TRAPPC11: variants seen among roughly 807,000 people sequenced by gnomAD.
TRAPPC11 encodes the protein foie gras homolog.
TRAPPC11 carries 104 observed loss-of-function variants against 151.2 expected under a neutral mutation model. That is an observed-to-expected ratio of 0.69 (90% CI 0.59 to 0.81). The LOEUF is 0.81. TRAPPC11 is among the 30% of genes least tolerant of loss of function. The pLI is 0.00. For synonymous variants in TRAPPC11, 456 were observed against 472.3 expected (o/e 0.97, Z 0.45); for missense variants, 1,230 against 1,349.6 (o/e 0.91, Z 1.39).
Position 183,667,149 on chromosome 4 carries a change from A to G in TRAPPC11, c.445+19A>G, listed in dbSNP as rs2111304109. On this transcript the variant is annotated intron_variant, in intron 4 of 29. Coordinates refer to ENST00000334690, the MANE Select transcript of TRAPPC11 (RefSeq NM_021942.6). ...CCCCCAGGTATCAGAAGTCTAATTA[A>G]TGAATTAATTGTTTTATACCTCCAA... is the stretch of plus-strand genomic sequence containing the variant. 3 of 1,590,980 alleles carry G rather than the reference A, an allele frequency of 1.9e-6. No individual in the cohort carries two copies. Among genetic ancestry groups the G allele is most frequent in the Non-Finnish European group, 2.6e-6 (3 of 1,163,174 alleles).
At chr4:183,707,286 C>T (rs1481745211) in intron 28 of TRAPPC11, among the ~76,000 whole-genome samples, 1 of 124,150 alleles carries the variant, frequency 8.1e-6, no homozygotes, top group Non-Finnish European at 1.7e-5. Context: ...GTGTGTGAGG[C>T]CTGGAGACTT....
At position 183,712,857 on chromosome 4, in the gene TRAPPC11, C is replaced by T. The variant is rs1025614317; in HGVS notation, c.*213C>T. ...CTAATAAATATCTGAAATCTCAGTA[C>T]GACATGAAAGAATGTCAGACCATTG... On this transcript the variant is annotated 3_prime_UTR_variant, in exon 30 of 30. Transcript: ENST00000334690. 12 of 476,726 alleles carry T rather than the reference C, an allele frequency of 2.5e-5. No individual in the cohort carries two copies. The highest frequency in any genetic ancestry group is 3.8e-5 in the Admixed American group (1 of 26,294). The allele number at this position is 476,726 out of a possible 1,614,324, so 29.5% of individuals were successfully genotyped here.
At chr4:183,677,993 C>T (rs1485891536) in intron 8 of TRAPPC11, among the ~76,000 whole-genome samples, 2 of 148,042 alleles carry the variant, frequency 1.4e-5, no homozygotes, top group East Asian at 4.0e-4. Flanking sequence ...GGCTGGAGTG[C>T]AGTGGTGGGA....
chr4:183,661,005 C>T (rs1233034690), intron 1 of TRAPPC11, among the ~76,000 whole-genome samples: 1 of 152,072 alleles, frequency 6.6e-6, no homozygotes, highest in Non-Finnish European at 1.5e-5. Flanking sequence ...AGCCGCTGTA[C>T]CCAGCCTGGT....
chr4:183,703,777 C>G (rs1561062265), intron 26 of TRAPPC11, among the ~76,000 whole-genome samples: 2 of 152,226 alleles, frequency 1.3e-5, no homozygotes, highest in African/African-American at 2.4e-5. Flanking sequence ...AAGGGATTTC[C>G]CTGGCACCAC....
At position 183,691,298 on chromosome 4, in the gene TRAPPC11, C is replaced by T. The variant is rs373868779; in HGVS notation, c.1894-18C>T. ...AGCAGACATCTGACATTTGATGACC[C>T]CTGTTCACCTTTTTCAGGAATACAA... On this transcript the variant is annotated intron_variant, in intron 18 of 29. Transcript: ENST00000334690. 143 of 1,467,804 alleles carry T rather than the reference C, an allele frequency of 9.7e-5. No homozygotes were observed. Among genetic ancestry groups the T allele is most frequent in the Admixed American group, 5.0e-4 (26 of 51,864 alleles). The allele number at this position is 1,467,804 out of a possible 1,614,324, so 90.9% of individuals were successfully genotyped here. A position where few individuals can be genotyped will look rare whatever the true frequency, so the allele number is the denominator to read the frequency against.
At chr4:183,698,456 G>A (rs978382367) in intron 25 of TRAPPC11, among the ~76,000 whole-genome samples, 7 of 150,738 alleles carry the variant, frequency 4.6e-5, no homozygotes, top group Non-Finnish European at 1.5e-5. Context: ...TTTCCTTATT[G>A]TCCTTATTGT....
In TRAPPC11 at chr4:183,661,402, C is replaced by T. The variant is rs1046655841; in HGVS notation, c.-22+1955C>T. Among the ~76,000 whole-genome samples, 12 of 122,552 alleles carry T rather than the reference C, an allele frequency of 9.8e-5. No homozygotes were observed. In the South Asian group the frequency reaches 1.0e-3, roughly 11 times the overall value. The allele number at this position is 122,552 out of a possible 152,430, so 80.4% of individuals were successfully genotyped here. A position where few individuals can be genotyped will look rare whatever the true frequency, so the allele number is the denominator to read the frequency against. On this transcript the variant is annotated intron_variant, in intron 1 of 29. Coordinates refer to ENST00000334690, the MANE Select transcript of TRAPPC11 (RefSeq NM_021942.6). ...TTTTTTTTTTGAGACGGAGTCTCCT[C>T]GCTCTGTCGCCCAGGCTGGAGTGCA...
chr4:183,695,238 C>T (rs1297255477), intron 23 of TRAPPC11, among the ~76,000 whole-genome samples: 2 of 152,176 alleles, frequency 1.3e-5, no homozygotes, highest in African/African-American at 2.4e-5. Context: ...GCGTGATCCA[C>T]TGGACCCGGC....
intron 18 of TRAPPC11, among the ~76,000 whole-genome samples, chr4:183,687,855 C>T (rs1484642087): frequency 6.6e-6 from 1 of 152,192 alleles, no homozygotes; most frequent in Admixed American, 6.5e-5. Flanking sequence ...TTCTCCCACA[C>T]ACCCTCTACG....
At chr4:183,674,051 AT>A (rs1735287363) in intron 5 of TRAPPC11, among the ~76,000 whole-genome samples, 1 of 152,278 alleles carries the variant, frequency 6.6e-6, no homozygotes, top group Non-Finnish European at 1.5e-5. Flanking sequence ...TTGATTAATA[AT>A]TTTTTTCAGA....
chr4:183,710,836 C>T (rs976621597), intron 29 of TRAPPC11, among the ~76,000 whole-genome samples: 26 of 151,656 alleles, frequency 1.7e-4, no homozygotes, highest in African/African-American at 6.0e-4. Context: ...CGAGACCAGC[C>T]TAGTTAACAT....
chr4:183,691,132 T>C (rs1294844474), intron 18 of TRAPPC11, among the ~76,000 whole-genome samples, 184 bp from the exon 19 acceptor site: 1 of 152,240 alleles, frequency 6.6e-6, no homozygotes, highest in Non-Finnish European at 1.5e-5. Context: ...TGTAGTGAAC[T>C]GTTATATTAT....
intron 10 of TRAPPC11, among the ~76,000 whole-genome samples, chr4:183,681,587 T>C (rs1009340508): frequency 2.6e-5 from 4 of 152,070 alleles, no homozygotes; most frequent in East Asian, 3.9e-4. Context: ...GAGACCATCC[T>C]GGCTAACACG....
chr4:183,680,066 T>C, intron 9 of TRAPPC11, 54 bp from the exon 10 acceptor site: 1 of 1,516,610 alleles, frequency 6.6e-7, no homozygotes, highest in African/African-American at 1.4e-5. Context: ...TTACCAGAAA[T>C]AAGCTTCTTT....
chr4:183,685,083 G>C lies in TRAPPC11; in HGVS notation c.1568-1G>C, dbSNP rs1180079162. The C allele has an allele frequency of 6.2e-7, 1 of 1,613,294 alleles. No individual in the cohort carries two copies. Among genetic ancestry groups the C allele is most frequent in the Non-Finnish European group, 8.5e-7 (1 of 1,179,652 alleles). On this transcript the variant is annotated splice_acceptor_variant, in intron 15 of 29. Coordinates refer to ENST00000334690, the MANE Select transcript of TRAPPC11 (RefSeq NM_021942.6). LOFTEE classifies it high-confidence loss of function. The stretch of plus-strand genomic sequence containing the variant: ...TGTTTTTCCTTCTTTCTTCATACTA[G>C]CTTCAACTCTGAAAGATGACCAGAA...
intron 2 of TRAPPC11, among the ~76,000 whole-genome samples, chr4:183,664,497 G>C (rs1183646535): frequency 2.0e-5 from 3 of 152,094 alleles, no homozygotes. Context: ...CTAGTGATAC[G>C]AATTTAAGTG....
rs146949379 is a variant in TRAPPC11, at chr4:183,684,240, G to A, written c.1366+17G>A. ...GTCACCTAAGTATGTATCCACAAACGTCACCATTGCATGCAACTTTGAATG... is the reference window on the plus strand; with the variant it reads ...GTCACCTAAGTATGTATCCACAAACATCACCATTGCATGCAACTTTGAATG... On this transcript the variant is annotated intron_variant, in intron 13 of 29. Transcript: ENST00000334690. 7.4e-4 allele frequency: 1,186 copies of A among 1,613,294 alleles called. 4 individuals carry two copies. In the African/African-American group the frequency reaches 0.014, roughly 19 times the overall value.
chr4:183,693,844 TC>T, intron 21 of TRAPPC11, 72 bp from the exon 22 acceptor site: 1 of 1,598,038 alleles, frequency 6.3e-7, no homozygotes, highest in Non-Finnish European at 8.6e-7. Flanking sequence ...GGCATAGTGC[TC>T]TTCACACAGT....
Sources: allele counts gnomAD v4.1 joint callset (sites outside exome capture counted in the v4.1 genomes callset), GRCh38; gene constraint gnomAD v4.1.1; transcripts MANE v1.5; gene names NCBI Gene and HGNC (gene_info 2026-07-23, HGNC 2026-07-21).